Variants in RFX4 observed in about 807,000 individuals in gnomAD.
RFX4 encodes regulatory factor X4, also known as transcription factor RFX4.
A neutral mutation model predicts 95.0 loss-of-function variants in RFX4; 10 were observed. The ratio of observed to expected loss-of-function variants is 0.11; its 90% CI spans 0.06 to 0.18. The LOEUF (loss-of-function observed/expected upper bound fraction) is 0.18, where lower values mean the gene tolerates loss of function less well. Ranked by LOEUF, RFX4 falls within the 10% of genes least tolerant of loss-of-function variation. The pLI is 1.00. For synonymous variants in RFX4, 321 were observed against 340.7 expected (o/e 0.94, Z 0.64); for missense variants, 640 against 922.0 (o/e 0.69, Z 3.96).
intron 2 of RFX4, among the ~76,000 whole-genome samples, chr12:106,624,809 C>A (rs1489550017): frequency 6.6e-6 from 1 of 152,066 alleles, no homozygotes; most frequent in Non-Finnish European, 1.5e-5. Flanking sequence ...CATAATATTG[C>A]CTTGGATAAA....
intron 15 of RFX4, among the ~76,000 whole-genome samples, chr12:106,733,750 G>A (rs1312626026): frequency 6.6e-6 from 1 of 152,158 alleles, no homozygotes; most frequent in African/African-American, 2.4e-5. Flanking sequence ...GTGAGACTGT[G>A]TGGAGGCCCA....
chr12:106,626,015 A>C (rs1306388437), intron 2 of RFX4, among the ~76,000 whole-genome samples: 1 of 152,184 alleles, frequency 6.6e-6, no homozygotes, highest in Non-Finnish European at 1.5e-5. Context: ...ATGAATTTTC[A>C]ATCTAGAAGA....
intron 13 of RFX4, among the ~76,000 whole-genome samples, chr12:106,724,540 A>C (rs1640248966): frequency 6.6e-6 from 1 of 152,256 alleles, no homozygotes; most frequent in Admixed American, 6.5e-5. Flanking sequence ...AAGAATAATT[A>C]TTAGACTGTC....
intron 2 of RFX4, among the ~76,000 whole-genome samples, chr12:106,633,472 G>A (rs548380655): frequency 3.9e-5 from 6 of 152,226 alleles, no homozygotes; most frequent in Non-Finnish European, 8.8e-5. Context: ...CCTGGCTTAA[G>A]TACTTGACCA....
At chr12:106,717,455 A>G (rs1376181490) in intron 11 of RFX4, among the ~76,000 whole-genome samples, 2 of 151,792 alleles carry the variant, frequency 1.3e-5, no homozygotes, top group African/African-American at 4.8e-5. Flanking sequence ...GCCTCTCTCA[A>G]GAAAGAACCT....
chr12:106,643,625 G>A (rs912606479), intron 3 of RFX4, among the ~76,000 whole-genome samples: 1 of 151,590 alleles, frequency 6.6e-6, no homozygotes, highest in African/African-American at 2.4e-5. Flanking sequence ...TCCCCTTTTT[G>A]CTGTGGCTGC....
intron 5 of RFX4, chr12:106,685,029 T>C: frequency 6.6e-7 from 1 of 1,524,128 alleles, no homozygotes; most frequent in Non-Finnish European, 8.9e-7. Context: ...TTTGTGACTT[T>C]CATTGTATCT....
chr12:106,697,164 T>C (rs1229683059), intron 8 of RFX4, among the ~76,000 whole-genome samples: 2 of 152,156 alleles, frequency 1.3e-5, no homozygotes, highest in African/African-American at 4.8e-5. Context: ...CGAGAACCTG[T>C]GCTCCGAGCC....
chr12:106,705,627 G>C (rs2042069778), intron 8 of RFX4, among the ~76,000 whole-genome samples: 1 of 152,208 alleles, frequency 6.6e-6, no homozygotes, highest in South Asian at 2.1e-4. Flanking sequence ...GGGATGGCAA[G>C]TGCAAAGGTC....
intron 3 of RFX4, among the ~76,000 whole-genome samples, chr12:106,643,317 C>T (rs1048706130): frequency 2.6e-5 from 4 of 152,040 alleles, no homozygotes; most frequent in African/African-American, 9.7e-5. Context: ...GAAGGACCCA[C>T]GAGAAGGTGG....
chr12:106,643,038 G>A (rs1304834578), intron 3 of RFX4, among the ~76,000 whole-genome samples: 1 of 152,222 alleles, frequency 6.6e-6, no homozygotes, highest in African/African-American at 2.4e-5. Flanking sequence ...GAGTTCTGAG[G>A]TGGAGATGGC....
chr12:106,693,140 C>G (rs1458820817), intron 7 of RFX4: 1 of 437,238 alleles, frequency 2.3e-6, no homozygotes, highest in Non-Finnish European at 4.6e-6. Context: ...TCATGCCTAA[C>G]TTCCAAGCCT....
chr12:106,740,898 G>T (rs1034257206), intron 15 of RFX4, among the ~76,000 whole-genome samples: 5 of 152,186 alleles, frequency 3.3e-5, no homozygotes, highest in African/African-American at 1.2e-4. Context: ...GAGGGAAAAA[G>T]AACTTTCTAT....
chr12:106,728,170 C>T (rs1012110931), intron 13 of RFX4, among the ~76,000 whole-genome samples: 1 of 151,894 alleles, frequency 6.6e-6, no homozygotes, highest in African/African-American at 2.4e-5. Flanking sequence ...AACTATATTA[C>T]CATATAACAA....
chr12:106,584,275 C>A, intron 1 of RFX4, among the ~76,000 whole-genome samples: 1 of 152,168 alleles, frequency 6.6e-6, no homozygotes. Flanking sequence ...GATCTGTTAA[C>A]GCTCCCTAAG....
intron 9 of RFX4, 69 bp from the exon 10 acceptor site, chr12:106,711,384 C>T: frequency 1.4e-6 from 2 of 1,420,690 alleles, no homozygotes; most frequent in Non-Finnish European, 2.0e-6. Context: ...TTGAAATGTG[C>T]CCCTGGAAAA....
At chr12:106,706,986 G>T (rs1250654576) in intron 8 of RFX4, among the ~76,000 whole-genome samples, 1 of 152,144 alleles carries the variant, frequency 6.6e-6, no homozygotes, top group Non-Finnish European at 1.5e-5. Context: ...TTTAAACCTT[G>T]CCAGTGAGAA....
At chr12:106,645,326 C>T (rs1321253569) in intron 3 of RFX4, among the ~76,000 whole-genome samples, 1 of 151,978 alleles carries the variant, frequency 6.6e-6, no homozygotes, top group Non-Finnish European at 1.5e-5. Context: ...TCCCGGCCTA[C>T]TTGCTGCCAA....
intron 1 of RFX4, among the ~76,000 whole-genome samples, chr12:106,607,577 T>TGGGGGGGGGGG (rs200818869): frequency 2.1e-4 from 11 of 52,084 alleles, no homozygotes; most frequent in African/African-American, 2.7e-4. Flanking sequence ...GGGGGTGGGG[T>TGGGGGGGGGGG]GGGGGGGGCG....
Sources: allele counts gnomAD v4.1 joint callset (sites outside exome capture counted in the v4.1 genomes callset), GRCh38; gene constraint gnomAD v4.1.1; transcripts MANE v1.5; gene names NCBI Gene and HGNC (gene_info 2026-07-23, HGNC 2026-07-21).